RSRC1: variants seen among roughly 807,000 people sequenced by gnomAD.
RSRC1 encodes serine/Arginine-related protein 53.
A neutral mutation model predicts 49.1 loss-of-function variants in RSRC1; 39 were observed. The ratio of observed to expected loss-of-function variants is 0.79; its 90% confidence interval spans 0.61 to 1.04. The LOEUF is 1.04. Among genes scored for constraint, RSRC1 ranks in the 50% least tolerant of loss-of-function variants. The probability of loss-of-function intolerance (pLI) is 0.00; values close to 1 mark genes in which losing one functional copy is unlikely to be tolerated. For synonymous variants in RSRC1, 143 were observed against 130.8 expected, an observed-to-expected ratio of 1.09 and a Z score of -0.63; for missense variants, 388 against 402.4, an observed-to-expected ratio of 0.96 and a Z score of 0.31.
intron 4 of RSRC1, among the ~76,000 whole-genome samples, chr3:158,289,864 C>G (rs544095437): frequency 6.6e-6 from 1 of 152,240 alleles, no homozygotes; most frequent in South Asian, 2.1e-4. Context: ...GTCCTTATAT[C>G]AGGATATCTG....
chr3:158,396,659 T>G (rs1423713792), intron 6 of RSRC1, among the ~76,000 whole-genome samples: 1 of 152,090 alleles, frequency 6.6e-6, no homozygotes, highest in East Asian at 1.9e-4. Flanking sequence ...TGGCAAACTG[T>G]AGTGCCGTGG....
At chr3:158,488,682 AC>A (rs1195477505) in intron 7 of RSRC1, among the ~76,000 whole-genome samples, 2 of 152,192 alleles carry the variant, frequency 1.3e-5, no homozygotes, top group African/African-American at 2.4e-5. Context: ...TTTCTTTTTG[AC>A]AGGTGAAAGA....
chr3:158,191,367 T>C (rs974284259), intron 3 of RSRC1, among the ~76,000 whole-genome samples: 2 of 152,130 alleles, frequency 1.3e-5, no homozygotes, highest in African/African-American at 4.8e-5. Flanking sequence ...TCTTTATTTA[T>C]AGATAGGACT....
intron 4 of RSRC1, among the ~76,000 whole-genome samples, chr3:158,284,105 A>G (rs965531153): frequency 2.3e-5 from 3 of 132,650 alleles, no homozygotes; most frequent in Non-Finnish European, 3.0e-5. Flanking sequence ...ATGTGTTCTC[A>G]TTGTTCAATT....
intron 1 of RSRC1, among the ~76,000 whole-genome samples, chr3:158,120,401 T>C (rs1211016979): frequency 1.3e-5 from 2 of 151,826 alleles, no homozygotes; most frequent in Non-Finnish European, 2.9e-5. Context: ...TGGTATTGTA[T>C]TGGAATCAGG....
intron 6 of RSRC1, among the ~76,000 whole-genome samples, chr3:158,426,235 T>C (rs763708622): frequency 1.1e-4 from 16 of 151,778 alleles, no homozygotes; most frequent in African/African-American, 2.4e-4. Flanking sequence ...AAATTAGACA[T>C]CTTGATGAAA....
intron 6 of RSRC1, among the ~76,000 whole-genome samples, chr3:158,397,470 A>G (rs1733674354): frequency 6.6e-6 from 1 of 152,160 alleles, no homozygotes; most frequent in Non-Finnish European, 1.5e-5. Flanking sequence ...TTAGCCGGTG[A>G]GTATTTTGCC....
rs115919613 is a variant in RSRC1, at chr3:158,464,343, C to T, written c.652+3340C>T. Among the ~76,000 whole-genome samples the T allele has an allele frequency of 5.1e-3, 770 of 152,244 alleles. 4 individuals carry two copies. The highest frequency in any genetic ancestry group is 0.018 in the African/African-American group (730 of 41,560). ...GTCTTTCTTTGCATTTGACTTCTCT[C>T]TAATATGAATTTCCTATTTGTGGTA... On this transcript the variant is annotated intron_variant, in intron 7 of 9. Transcript: ENST00000611884.
chr3:158,121,676 G>T (rs1383096735), intron 1 of RSRC1, among the ~76,000 whole-genome samples: 1 of 152,070 alleles, frequency 6.6e-6, no homozygotes, highest in Non-Finnish European at 1.5e-5. Context: ...TGAGAATAAA[G>T]GAATAGTTGG....
chr3:158,306,926 T>C (rs73031643), intron 5 of RSRC1, among the ~76,000 whole-genome samples: 1,807 of 152,076 alleles, frequency 0.012, 31 homozygotes, highest in African/African-American at 0.042. Flanking sequence ...GTTTATTGAC[T>C]TGTTTGGGAA....
chr3:158,359,650 G>T (rs1448847744), intron 6 of RSRC1, among the ~76,000 whole-genome samples: 1 of 152,190 alleles, frequency 6.6e-6, no homozygotes, highest in Non-Finnish European at 1.5e-5. Flanking sequence ...CAAGGAGGGA[G>T]CCACAGTCCT....
Position 158,379,045 on chromosome 3 carries a change from A to G in RSRC1, c.583+24137A>G, listed in dbSNP as rs188137273. Among the ~76,000 whole-genome samples, 291 of 150,760 alleles carry G rather than the reference A, an allele frequency of 1.9e-3. 3 individuals carry two copies. The highest frequency in any genetic ancestry group is 8.4e-4 in the Non-Finnish European group (57 of 67,960). Reference sequence around the variant, plus strand: ...CTTTGTTCTCACTGCCTTTCCTACCACTTACCTAGACCAAGTCACCACCAT... The same window carrying G: ...CTTTGTTCTCACTGCCTTTCCTACCGCTTACCTAGACCAAGTCACCACCAT... On this transcript the variant is annotated intron_variant, in intron 6 of 9. Coordinates refer to ENST00000611884, the MANE Select transcript of RSRC1 (RefSeq NM_001271838.2).
At chr3:158,441,322 T>G (rs1418646148) in intron 6 of RSRC1, among the ~76,000 whole-genome samples, 3 of 152,130 alleles carry the variant, frequency 2.0e-5, no homozygotes, top group African/African-American at 4.8e-5. Context: ...CAAAGTCTAC[T>G]AAAACGTTTT....
chr3:158,473,475 G>T (rs1333414627), intron 7 of RSRC1, among the ~76,000 whole-genome samples: 1 of 152,014 alleles, frequency 6.6e-6, no homozygotes, highest in Non-Finnish European at 1.5e-5. Flanking sequence ...AGAACACTTG[G>T]ACACAGGAAG....
At chr3:158,259,124 G>A (rs900332031) in intron 4 of RSRC1, among the ~76,000 whole-genome samples, 1 of 152,138 alleles carries the variant, frequency 6.6e-6, no homozygotes, top group Non-Finnish European at 1.5e-5. Context: ...CGTGTTCATC[G>A]GTGTCTGGGC....
chr3:158,231,414 G>T (rs1244913245), intron 4 of RSRC1, among the ~76,000 whole-genome samples: 3 of 151,964 alleles, frequency 2.0e-5, no homozygotes, highest in Admixed American at 6.6e-5. Flanking sequence ...GGGACTACAG[G>T]TGTGAGCTAC....
At chr3:158,384,150 G>A (rs1247717028) in intron 6 of RSRC1, among the ~76,000 whole-genome samples, 1 of 152,098 alleles carries the variant, frequency 6.6e-6, no homozygotes, top group Non-Finnish European at 1.5e-5. Context: ...CTCAAGGTCA[G>A]AAGTAAGAGT....
At chr3:158,431,651 A>G (rs541887026) in intron 6 of RSRC1, among the ~76,000 whole-genome samples, 1 of 152,020 alleles carries the variant, frequency 6.6e-6, no homozygotes, top group African/African-American at 2.4e-5. Flanking sequence ...GTTGCTTAAC[A>G]AGATTTCACA....
intron 3 of RSRC1, among the ~76,000 whole-genome samples, chr3:158,139,198 C>T (rs941140873): frequency 1.3e-5 from 2 of 151,958 alleles, no homozygotes; most frequent in African/African-American, 4.8e-5. Flanking sequence ...GTCAGGAGTT[C>T]GAGACCAGCC....
Sources: gnomAD v4.1 joint callset for allele counts (sites outside exome capture counted in the v4.1 genomes callset) on GRCh38, gnomAD v4.1.1 for gene constraint, MANE v1.5 for transcripts, NCBI Gene and HGNC (gene_info 2026-07-23, HGNC 2026-07-21) for gene names.